SAMD5: variants seen among roughly 807,000 people sequenced by gnomAD.
SAMD5 encodes the protein sterile alpha motif domain containing 5, also known as sterile alpha motif domain-containing protein 5.
SAMD5 carries 13 observed loss-of-function variants against 11.3 expected under a neutral mutation model. The ratio of observed to expected loss-of-function variants is 1.15; its 90% CI spans 0.75 to 1.83. The LOEUF is 1.83. Ranked by LOEUF, SAMD5 falls within the 40% of genes most tolerant of loss-of-function variation. The pLI is 0.00. For synonymous variants in SAMD5, 129 were observed against 111.3 expected, an observed-to-expected ratio of 1.16 and a Z score of -1.00; for missense variants, 255 against 239.1, an observed-to-expected ratio of 1.07 and a Z score of -0.44.
chr6:147,844,820 A>G, the SAMD5 span, among the ~76,000 whole-genome samples: 1 of 152,300 alleles, frequency 6.6e-6, no homozygotes, highest in East Asian at 1.9e-4. Flanking sequence ...TAAAGAGTAG[A>G]ACAGTGGTTA....
At chr6:147,560,897 A>G (rs182757625) in intron 1 of SAMD5, among the ~76,000 whole-genome samples, 233 of 152,342 alleles carry the variant, frequency 1.5e-3, no homozygotes, top group Non-Finnish European at 2.2e-3. Flanking sequence ...TGAAACTGAG[A>G]AAGTCACAAC....
intron 1 of SAMD5, among the ~76,000 whole-genome samples, chr6:147,649,240 A>G (rs1790448010): frequency 6.6e-6 from 1 of 152,116 alleles, no homozygotes; most frequent in Non-Finnish European, 1.5e-5. Flanking sequence ...TTTTCATGGA[A>G]TGAGGGTTTG....
At chr6:147,802,544 G>T in the SAMD5 span, among the ~76,000 whole-genome samples, 1 of 151,852 alleles carries the variant, frequency 6.6e-6, no homozygotes, top group African/African-American at 2.4e-5. Context: ...TGACTCAGCA[G>T]TTCCACCCCT....
intron 1 of SAMD5, among the ~76,000 whole-genome samples, chr6:147,603,952 G>A (rs1173546754): frequency 2.0e-5 from 3 of 152,222 alleles, no homozygotes; most frequent in South Asian, 2.1e-4. Context: ...ATTCTTTCTA[G>A]AAGACATTCT....
At chr6:147,929,225 G>T in the SAMD5 span, among the ~76,000 whole-genome samples, 119 of 152,202 alleles carry the variant, frequency 7.8e-4, no homozygotes, top group African/African-American at 2.7e-3. Context: ...ACCTAAACTG[G>T]TGTCAAAGTC....
chr6:147,867,314 T>C, the SAMD5 span, among the ~76,000 whole-genome samples: 3 of 140,796 alleles, frequency 2.1e-5, no homozygotes, highest in Non-Finnish European at 4.6e-5. Flanking sequence ...TTAACACTGA[T>C]AATGTTTTTA....
At chr6:147,878,621 G>GTA in the SAMD5 span, among the ~76,000 whole-genome samples, 7 of 142,836 alleles carry the variant, frequency 4.9e-5, no homozygotes, top group South Asian at 4.3e-4. Flanking sequence ...AGATATATAT[G>GTA]TATATATATC....
At chr6:147,804,211 G>A in the SAMD5 span, among the ~76,000 whole-genome samples, 283 of 149,696 alleles carry the variant, frequency 1.9e-3, 1 homozygote, top group African/African-American at 6.5e-3. Flanking sequence ...GAGTTCAATC[G>A]ATTCTCCTGC....
At chr6:147,630,816 A>C (rs1790138286) in intron 1 of SAMD5, among the ~76,000 whole-genome samples, 2 of 152,062 alleles carry the variant, frequency 1.3e-5, no homozygotes, top group African/African-American at 4.8e-5. Context: ...TCTTAATTTC[A>C]ATTCCTTTCC....
the SAMD5 span, among the ~76,000 whole-genome samples, chr6:147,853,838 TATC>T: frequency 1.3e-5 from 2 of 152,292 alleles, no homozygotes; most frequent in East Asian, 3.9e-4. Flanking sequence ...TATTATTCAT[TATC>T]ATTAATAGTC....
At chr6:147,937,175 A>G in the SAMD5 span, among the ~76,000 whole-genome samples, 2 of 152,132 alleles carry the variant, frequency 1.3e-5, no homozygotes, top group African/African-American at 2.4e-5. Flanking sequence ...AATAGTCAAG[A>G]GTTACTGAAG....
intron 1 of SAMD5, among the ~76,000 whole-genome samples, chr6:147,733,430 T>C (rs1791748955): frequency 1.3e-5 from 2 of 152,076 alleles, no homozygotes. Context: ...ACAGGTTTGC[T>C]GTGGTTTGGG....
At chr6:147,825,482 T>A in the SAMD5 span, among the ~76,000 whole-genome samples, 1 of 152,230 alleles carries the variant, frequency 6.6e-6, no homozygotes, top group Non-Finnish European at 1.5e-5. Context: ...CATATTTATA[T>A]GGATGTGTTG....
intron 1 of SAMD5, among the ~76,000 whole-genome samples, chr6:147,592,907 C>T (rs1469872989): frequency 2.0e-5 from 3 of 152,074 alleles, no homozygotes; most frequent in Admixed American, 6.6e-5. Context: ...AGATCTTGAA[C>T]CTCCTTAAGC....
chr6:147,589,198 A>G (rs900327684), intron 1 of SAMD5, among the ~76,000 whole-genome samples: 1 of 152,094 alleles, frequency 6.6e-6, no homozygotes, highest in Non-Finnish European at 1.5e-5. Context: ...GGCTCAAGCA[A>G]TCCTCCTGCC....
In SAMD5 at chr6:147,566,145, T is replaced by C. The variant is rs1168290441; in HGVS notation, c.*1689T>C. On this transcript the variant is annotated 3_prime_UTR_variant, in exon 2 of 2. Transcript: ENST00000367474. ...TAAATAGTTTAGCTATTTCTGTAGG[T>C]TAATTCAGGCACTGACTAAAATCAG... 1.0e-6 allele frequency: 1 copy of C among 981,938 alleles called. No individual in the cohort carries two copies. Among genetic ancestry groups the C allele is most frequent in the Non-Finnish European group, 1.2e-6 (1 of 826,902 alleles). The allele number at this position is 981,938 out of a possible 1,614,324, so 60.8% of individuals were successfully genotyped here.
the SAMD5 span, among the ~76,000 whole-genome samples, chr6:147,835,556 C>T: frequency 6.6e-6 from 1 of 152,146 alleles, no homozygotes; most frequent in African/African-American, 2.4e-5. Flanking sequence ...TCACTATTGG[C>T]AGAGACTTAG....
chr6:147,699,925 C>T (rs1011249419), intron 1 of SAMD5, among the ~76,000 whole-genome samples: 9 of 152,154 alleles, frequency 5.9e-5, no homozygotes, highest in Non-Finnish European at 1.2e-4. Context: ...TATATTTAAT[C>T]AAAGCAAGAT....
chr6:147,902,136 G>C, the SAMD5 span, among the ~76,000 whole-genome samples: 1 of 147,608 alleles, frequency 6.8e-6, no homozygotes, highest in African/African-American at 2.5e-5. Flanking sequence ...TGGCAATCAA[G>C]GGGGAAAAAA....
Sources: gnomAD v4.1 joint callset for allele counts (sites outside exome capture counted in the v4.1 genomes callset) on GRCh38, gnomAD v4.1.1 for gene constraint, MANE v1.5 for transcripts, NCBI Gene and HGNC (gene_info 2026-07-23, HGNC 2026-07-21) for gene names.